The following NKAIN3 variants were observed in gnomAD, a reference collection of about 807,000 sequenced individuals.
NKAIN3 encodes the protein sodium/potassium transporting ATPase interacting 3.
In NKAIN3, 25 loss-of-function variants were observed where a neutral mutation model predicts 30.2. The observed-to-expected ratio is 0.83, with a 90% CI of 0.60 to 1.16. NKAIN3 has a LOEUF of 1.16. NKAIN3 is among the 50% of genes most tolerant of loss of function. The pLI, the probability that NKAIN3 is intolerant of heterozygous loss-of-function variation, is 0.00. For synonymous variants in NKAIN3, 91 were observed against 89.6 expected, an observed-to-expected ratio of 1.02 and a Z score of -0.09; for missense variants, 225 against 254.1, an observed-to-expected ratio of 0.89 and a Z score of 0.78.
intron 1 of NKAIN3, among the ~76,000 whole-genome samples, chr8:62,256,572 C>T (rs902201107): frequency 6.6e-6 from 1 of 152,124 alleles, no homozygotes; most frequent in African/African-American, 2.4e-5. Flanking sequence ...GTTTCCCATC[C>T]TGAATAGGTC....
intron 3 of NKAIN3, among the ~76,000 whole-genome samples, chr8:62,709,782 T>A (rs187821549): frequency 1.5e-3 from 226 of 152,224 alleles, no homozygotes; most frequent in African/African-American, 5.1e-3. Flanking sequence ...GGTTTGCTCT[T>A]GTTTCTCTAG....
intron 3 of NKAIN3, among the ~76,000 whole-genome samples, chr8:62,598,223 G>A (rs1304343437): frequency 6.6e-6 from 1 of 152,038 alleles, no homozygotes; most frequent in African/African-American, 2.4e-5. Flanking sequence ...AGCAAGAGGG[G>A]AACCGAAAGT....
intron 4 of NKAIN3, among the ~76,000 whole-genome samples, chr8:62,845,285 T>TATATATATATA (rs1819646049): frequency 1.5e-5 from 1 of 68,928 alleles, no homozygotes; most frequent in Non-Finnish European, 3.0e-5. Context: ...GGATAGTAGA[T>TATATATATATA]TATATATATA....
chr8:62,651,350 G>A (rs992085901), intron 3 of NKAIN3, among the ~76,000 whole-genome samples: 2 of 152,056 alleles, frequency 1.3e-5, no homozygotes, highest in Admixed American at 6.6e-5. Flanking sequence ...AAATCAAACA[G>A]GAATAAAAAG....
chr8:62,796,176 G>A (rs1586203844), intron 4 of NKAIN3, among the ~76,000 whole-genome samples: 1 of 151,884 alleles, frequency 6.6e-6, no homozygotes, highest in East Asian at 1.9e-4. Context: ...TTGAGGCCAA[G>A]AGTTCGAAAC....
chr8:62,967,978 T>G lies in NKAIN3; in HGVS notation c.*2571T>G, dbSNP rs923642584. ...TACCTTAGTGATTTGTCTATGAATA[T>G]TCAATGTAGGCAACTATTTAATATG... On this transcript the variant is annotated 3_prime_UTR_variant, in exon 7 of 7. Transcript: ENST00000623646. Among the ~76,000 whole-genome samples, 5 of 152,224 alleles carry G rather than the reference T, an allele frequency of 3.3e-5. No individual in the cohort carries two copies. The highest frequency in any genetic ancestry group is 9.6e-5 in the African/African-American group (4 of 41,468).
At chr8:62,885,156 C>T (rs1441097933) in intron 4 of NKAIN3, among the ~76,000 whole-genome samples, 1 of 152,154 alleles carries the variant, frequency 6.6e-6, no homozygotes, top group Non-Finnish European at 1.5e-5. Context: ...GCTTTCTCTG[C>T]ATATCACAAA....
At chr8:62,668,159 G>A (rs1185093201) in intron 3 of NKAIN3, among the ~76,000 whole-genome samples, 4 of 151,300 alleles carry the variant, frequency 2.6e-5, no homozygotes, top group Non-Finnish European at 4.4e-5. Flanking sequence ...CTGCCTCCTT[G>A]GTGTACTTCA....
At chr8:62,446,894 T>C (rs1378440878) in intron 1 of NKAIN3, among the ~76,000 whole-genome samples, 1 of 152,126 alleles carries the variant, frequency 6.6e-6, no homozygotes, top group Non-Finnish European at 1.5e-5. Flanking sequence ...ACTTTTTGGC[T>C]ATTGTGACTA....
intron 1 of NKAIN3, among the ~76,000 whole-genome samples, chr8:62,360,462 A>G (rs1816521287): frequency 6.6e-6 from 1 of 152,202 alleles, no homozygotes; most frequent in South Asian, 2.1e-4. Context: ...ATGAAGTGTA[A>G]TGCAAGTAGC....
At chr8:62,294,225 C>T (rs985429195) in intron 1 of NKAIN3, among the ~76,000 whole-genome samples, 9 of 152,148 alleles carry the variant, frequency 5.9e-5, no homozygotes, top group Admixed American at 5.2e-4. Flanking sequence ...GCTGCACCCA[C>T]TGTCTGACAA....
At chr8:62,652,153 C>T (rs1211222850) in intron 3 of NKAIN3, among the ~76,000 whole-genome samples, 1 of 152,000 alleles carries the variant, frequency 6.6e-6, no homozygotes, top group Non-Finnish European at 1.5e-5. Flanking sequence ...GGCCCCACTT[C>T]CAAATGCCAT....
intron 1 of NKAIN3, among the ~76,000 whole-genome samples, chr8:62,258,266 G>GA (rs1392323545): frequency 6.6e-6 from 1 of 152,158 alleles, no homozygotes; most frequent in Non-Finnish European, 1.5e-5. Context: ...GAGTGATCAG[G>GA]AAAATGAACA....
intron 4 of NKAIN3, among the ~76,000 whole-genome samples, chr8:62,869,891 C>A (rs372008817): frequency 1.3e-5 from 2 of 152,108 alleles, no homozygotes; most frequent in African/African-American, 4.8e-5. Context: ...CCTCAGCCCC[C>A]CCGAAGTGGC....
chr8:62,338,403 A>G (rs1191669781), intron 1 of NKAIN3, among the ~76,000 whole-genome samples: 1 of 152,054 alleles, frequency 6.6e-6, no homozygotes, highest in Non-Finnish European at 1.5e-5. Flanking sequence ...ACAGGACAAC[A>G]CAAATCTTCC....
chr8:62,602,934 A>G (rs1481266752), intron 3 of NKAIN3, among the ~76,000 whole-genome samples: 1 of 152,132 alleles, frequency 6.6e-6, no homozygotes, highest in Admixed American at 6.6e-5. Context: ...GTAGACTCCA[A>G]CTGCTGAGCT....
rs1486736313 is a variant in NKAIN3, at chr8:62,968,622, C to T, written c.*3215C>T. On this transcript the variant is annotated 3_prime_UTR_variant, in exon 7 of 7. Transcript: ENST00000623646. ...AAAACTGAAGATAGGACATCCACTG[C>T]TCTTTAGCTTCTAGTGCTGACTGGA... 6.6e-6 allele frequency among the ~76,000 whole-genome samples: 1 copy of T among 152,176 alleles called. No homozygotes were observed. Among genetic ancestry groups the T allele is most frequent in the Non-Finnish European group, 1.5e-5 (1 of 68,036 alleles).
chr8:62,671,167 C>T (rs1467193252), intron 3 of NKAIN3, among the ~76,000 whole-genome samples: 1 of 152,098 alleles, frequency 6.6e-6, no homozygotes, highest in Non-Finnish European at 1.5e-5. Context: ...GACAGGTCTC[C>T]CAGGATGAGA....
chr8:62,809,891 G>A (rs1166692669), intron 4 of NKAIN3, among the ~76,000 whole-genome samples: 2 of 152,158 alleles, frequency 1.3e-5, no homozygotes, highest in East Asian at 3.8e-4. Context: ...TGCCTCTAGA[G>A]TCAATATTAT....
Sources: allele counts gnomAD v4.1 joint callset (sites outside exome capture counted in the v4.1 genomes callset), GRCh38; gene constraint gnomAD v4.1.1; transcripts MANE v1.5; gene names NCBI Gene and HGNC (gene_info 2026-07-23, HGNC 2026-07-21).